The following HS6ST3 variants were observed in gnomAD, a reference collection of about 807,000 sequenced individuals.
HS6ST3 encodes heparan sulfate 6-O-sulfotransferase 3, also known as heparan-sulfate 6-O-sulfotransferase 3.
Under a neutral mutation model 36.7 loss-of-function variants are expected in HS6ST3, and 12 were observed. The ratio of observed to expected loss-of-function variants is 0.33; its 90% CI spans 0.21 to 0.53. The LOEUF (loss-of-function observed/expected upper bound fraction) is 0.53, where lower values mean the gene tolerates loss of function less well. Ranked by LOEUF, HS6ST3 falls within the 20% of genes least tolerant of loss-of-function variation. The pLI, the probability that HS6ST3 is intolerant of heterozygous loss-of-function variation, is 0.95. For synonymous variants in HS6ST3, 240 were observed against 257.5 expected (o/e 0.93, Z 0.65); for missense variants, 584 against 640.9 (o/e 0.91, Z 0.96).
intron 1 of HS6ST3, among the ~76,000 whole-genome samples, chr13:96,574,985 T>C (rs767061378): frequency 5.9e-5 from 9 of 152,194 alleles, no homozygotes; most frequent in Non-Finnish European, 8.8e-5. Flanking sequence ...TCCAGTTTAT[T>C]GCATACCAAG....
At chr13:96,378,432 A>G (rs903098655) in intron 1 of HS6ST3, among the ~76,000 whole-genome samples, 1 of 152,204 alleles carries the variant, frequency 6.6e-6, no homozygotes, top group Admixed American at 6.5e-5. Context: ...TCGTGCATGT[A>G]GGCAGCTCAT....
intron 1 of HS6ST3, among the ~76,000 whole-genome samples, chr13:96,558,770 T>C (rs899119691): frequency 6.6e-6 from 1 of 152,216 alleles, no homozygotes; most frequent in Non-Finnish European, 1.5e-5. Flanking sequence ...TTTAAAATAG[T>C]ATGGATAAGA....
intron 1 of HS6ST3, among the ~76,000 whole-genome samples, chr13:96,377,960 C>G (rs758295241): frequency 8.5e-5 from 13 of 152,052 alleles, no homozygotes; most frequent in Non-Finnish European, 1.8e-4. Context: ...AAGAAATTTC[C>G]AAAGGAAGCC....
chr13:96,215,466 CA>C (rs2054420837), intron 1 of HS6ST3, among the ~76,000 whole-genome samples: 1 of 152,042 alleles, frequency 6.6e-6, no homozygotes, highest in African/African-American at 2.4e-5. Context: ...TGTTACCAGT[CA>C]AAATTATTTC....
At chr13:96,176,251 C>T (rs2054212190) in intron 1 of HS6ST3, among the ~76,000 whole-genome samples, 1 of 152,142 alleles carries the variant, frequency 6.6e-6, no homozygotes, top group Non-Finnish European at 1.5e-5. Flanking sequence ...ATACAACACT[C>T]ATTTTTTGAA....
intron 1 of HS6ST3, among the ~76,000 whole-genome samples, chr13:96,689,606 C>CTTTTTTTTTTTTTTTTTTTTT (rs34000071): frequency 9.9e-6 from 1 of 101,232 alleles, no homozygotes; most frequent in Non-Finnish European, 1.9e-5. Context: ...TTCTTTCTTT[C>CTTTTTTTTTTTTTTTTTTTTT]TTTTTTTTTT....
intron 1 of HS6ST3, among the ~76,000 whole-genome samples, chr13:96,558,338 A>C (rs1566396204): frequency 6.6e-6 from 1 of 152,174 alleles, no homozygotes; most frequent in Non-Finnish European, 1.5e-5. Flanking sequence ...TCTTACATGT[A>C]CTTTATTGTT....
At chr13:96,251,300 C>T (rs2054606910) in intron 1 of HS6ST3, among the ~76,000 whole-genome samples, 1 of 152,116 alleles carries the variant, frequency 6.6e-6, no homozygotes, top group African/African-American at 2.4e-5. Flanking sequence ...TCTGCTTCTT[C>T]ATGGTTCAAT....
intron 1 of HS6ST3, among the ~76,000 whole-genome samples, chr13:96,813,422 C>A (rs1001050766): frequency 6.6e-6 from 1 of 152,162 alleles, no homozygotes; most frequent in Non-Finnish European, 1.5e-5. Context: ...AGGAATGAGA[C>A]CCTGGGGCAC....
intron 1 of HS6ST3, among the ~76,000 whole-genome samples, chr13:96,513,137 C>T (rs1366603127): frequency 6.6e-6 from 1 of 152,116 alleles, no homozygotes; most frequent in Non-Finnish European, 1.5e-5. Context: ...TGAGATCAAA[C>T]TGTATTTTTC....
chr13:96,090,753 ACG>A lies in HS6ST3; in HGVS notation c.-109_-108del. On this transcript the variant is annotated 5_prime_UTR_variant, in exon 1 of 2. The change abolishes the stop of an existing upstream ORF in the 5' untranslated region. Transcript: ENST00000376705. ...GCCTCGGCGTCAGGGGCATGGAGGA[ACG>A]GCGGGCTCCGAGCCGCGCCCCGGAG... The A allele has an allele frequency of 1.2e-6, 1 of 832,450 alleles. No homozygotes were observed. Among genetic ancestry groups the A allele is most frequent in the Non-Finnish European group, 1.6e-6 (1 of 627,628 alleles). 51.6% of individuals were successfully genotyped at this position (832,450 alleles called of 1,614,324 possible).
chr13:96,262,045 C>T (rs2054668979), intron 1 of HS6ST3, among the ~76,000 whole-genome samples: 1 of 151,988 alleles, frequency 6.6e-6, no homozygotes, highest in Non-Finnish European at 1.5e-5. Flanking sequence ...ATGATTTATC[C>T]CTGTGGTGTT....
intron 1 of HS6ST3, among the ~76,000 whole-genome samples, chr13:96,712,335 T>C (rs1402379130): frequency 6.6e-6 from 1 of 152,198 alleles, no homozygotes; most frequent in African/African-American, 2.4e-5. Flanking sequence ...TACTTCCTAA[T>C]GCTTGTAAGA....
chr13:96,797,104 T>C (rs1350846567), intron 1 of HS6ST3, among the ~76,000 whole-genome samples: 1 of 152,098 alleles, frequency 6.6e-6, no homozygotes. Flanking sequence ...AGAGATCCAG[T>C]TGGATGATCC....
intron 1 of HS6ST3, among the ~76,000 whole-genome samples, chr13:96,595,487 AT>A (rs1415495499): frequency 3.2e-5 from 4 of 126,848 alleles, no homozygotes; most frequent in Admixed American, 2.3e-4. Flanking sequence ...TTTGTTTTTT[AT>A]TTTGACAGCA....
chr13:96,522,549 G>A (rs1175633132), intron 1 of HS6ST3, among the ~76,000 whole-genome samples: 1 of 152,048 alleles, frequency 6.6e-6, no homozygotes, highest in Non-Finnish European at 1.5e-5. Context: ...TGGGTGCATA[G>A]GTATTTAGGA....
At chr13:96,584,806 C>T (rs1292090681) in intron 1 of HS6ST3, among the ~76,000 whole-genome samples, 1 of 152,164 alleles carries the variant, frequency 6.6e-6, no homozygotes, top group Non-Finnish European at 1.5e-5. Context: ...GTGCATGGGA[C>T]AGTCCCATAC....
At chr13:96,644,589 G>C (rs1453985878) in intron 1 of HS6ST3, among the ~76,000 whole-genome samples, 1 of 152,010 alleles carries the variant, frequency 6.6e-6, no homozygotes, top group Non-Finnish European at 1.5e-5. Context: ...CAGGGGTGCA[G>C]AATGCAGAGA....
chr13:96,474,568 C>T (rs1389139963), intron 1 of HS6ST3, among the ~76,000 whole-genome samples: 5 of 151,530 alleles, frequency 3.3e-5, no homozygotes, highest in Non-Finnish European at 7.4e-5. Context: ...AGAATGCAAA[C>T]AAAATATAGC....
Sources: gnomAD v4.1 joint callset for allele counts (sites outside exome capture counted in the v4.1 genomes callset) on GRCh38, gnomAD v4.1.1 for gene constraint, MANE v1.5 for transcripts, NCBI Gene and HGNC (gene_info 2026-07-23, HGNC 2026-07-21) for gene names.